The following RAP1A variants were observed in gnomAD, a reference collection of about 807,000 sequenced individuals.
RAP1A encodes the protein ras-related protein Rap-1A.
RAP1A carries 6 observed loss-of-function variants against 26.4 expected under a neutral mutation model. The observed-to-expected ratio is 0.23, with a 90% confidence interval of 0.12 to 0.45. The LOEUF (loss-of-function observed/expected upper bound fraction) is 0.45, where lower values mean the gene tolerates loss of function less well. Among genes scored for constraint, RAP1A ranks in the 20% least tolerant of loss-of-function variants. The probability of loss-of-function intolerance (pLI) is 0.99; values close to 1 mark genes in which losing one functional copy is unlikely to be tolerated. For missense variants in RAP1A, 121 were observed against 217.2 expected (o/e 0.56, Z 2.78); for synonymous variants, 73 against 79.4 (o/e 0.92, Z 0.43).
chr1:111,616,806 ATCAAC>A (rs1443980642), upstream of RAP1A, among the ~76,000 whole-genome samples: 2 of 152,162 alleles, frequency 1.3e-5, no homozygotes, highest in Non-Finnish European at 2.9e-5. Flanking sequence ...ATGTATGATC[ATCAAC>A]TCAAGAGGGC....
upstream of RAP1A, among the ~76,000 whole-genome samples, chr1:111,618,078 A>G (rs1342288446): frequency 6.6e-6 from 1 of 152,050 alleles, no homozygotes; most frequent in African/African-American, 2.4e-5. Context: ...CTAAAATGAG[A>G]AAAAGCATTT....
intron 1 of RAP1A, among the ~76,000 whole-genome samples, chr1:111,568,013 A>G (rs974831250): frequency 6.6e-6 from 1 of 152,250 alleles, no homozygotes; most frequent in African/African-American, 2.4e-5. Context: ...GCAGAATACC[A>G]GAAACAGTGG....
intron 1 of RAP1A, among the ~76,000 whole-genome samples, chr1:111,585,998 T>C (rs1214715893): frequency 6.6e-6 from 1 of 152,238 alleles, no homozygotes; most frequent in African/African-American, 2.4e-5. Flanking sequence ...CATTTGTATG[T>C]ATCTCACTAA....
At chr1:111,606,334 ACC>A in intron 1 of RAP1A, among the ~76,000 whole-genome samples, 1 of 148,846 alleles carries the variant, frequency 6.7e-6, no homozygotes, top group Non-Finnish European at 1.5e-5. Context: ...AGGATGAGGA[ACC>A]TTTAAAAAAA....
At chr1:111,706,626 A>G (rs1662202842) in intron 6 of RAP1A, 1 of 779,580 alleles carries the variant, frequency 1.3e-6, no homozygotes, top group South Asian at 5.8e-5. Flanking sequence ...TAGGAATGGG[A>G]GAGGGATTGA....
At chr1:111,643,851 T>C (rs1269962198) in intron 1 of RAP1A, among the ~76,000 whole-genome samples, 1 of 152,216 alleles carries the variant, frequency 6.6e-6, no homozygotes, top group African/African-American at 2.4e-5. Context: ...ATAAAGATAC[T>C]TATTTCAAGG....
chr1:111,708,875 C>T (rs74109861), intron 6 of RAP1A, among the ~76,000 whole-genome samples: 8,997 of 152,136 alleles, frequency 0.059, 615 homozygotes, highest in African/African-American at 0.16. Flanking sequence ...GCAACTTTTC[C>T]GTTGGTTTGG....
At chr1:111,580,865 C>A (rs12758965) in intron 1 of RAP1A, among the ~76,000 whole-genome samples, 25 of 145,210 alleles carry the variant, frequency 1.7e-4, no homozygotes, top group Non-Finnish European at 2.4e-4. Context: ...AAACAAAAAA[C>A]AAAAAAAAAA....
intron 1 of RAP1A, among the ~76,000 whole-genome samples, chr1:111,554,103 C>T (rs547508908): frequency 5.3e-5 from 8 of 152,318 alleles, no homozygotes; most frequent in Middle Eastern, 6.8e-3. Context: ...AGCTATGTGG[C>T]CTTGGGCTTA....
intron 1 of RAP1A, among the ~76,000 whole-genome samples, chr1:111,639,663 C>A (rs1557874409): frequency 6.6e-6 from 1 of 151,754 alleles, no homozygotes; most frequent in East Asian, 1.9e-4. Flanking sequence ...AAAAATCTCT[C>A]ATGAGAGTAC....
rs1483812953 is a variant in RAP1A, at chr1:111,579,788, C to CCATT, written c.-28+37280_-28+37283dup. On this transcript the variant is annotated intron_variant, in intron 1 of 7. Coordinates refer to the RAP1A transcript ENST00000356415. Reference sequence around the variant, plus strand: ...TTTTAAAATAAAGTGTTGAATATCTCCATTTATTTATTTATTTATTTATTT... The same window carrying CCATT: ...TTTTAAAATAAAGTGTTGAATATCTCCATTCATTTATTTATTTATTTATTTATTT... 5.1e-3 allele frequency among the ~76,000 whole-genome samples: 664 copies of CCATT among 131,284 alleles called. 3 individuals carry two copies. Among genetic ancestry groups the CCATT allele is most frequent in the African/African-American group, 0.018 (632 of 35,302 alleles). The allele number at this position is 131,284 out of a possible 152,430, so 86.1% of individuals were successfully genotyped here. A position where few individuals can be genotyped will look rare whatever the true frequency, so the allele number is the denominator to read the frequency against.
intron 1 of RAP1A, among the ~76,000 whole-genome samples, chr1:111,621,611 C>G (rs1320950568): frequency 1.3e-5 from 2 of 152,048 alleles, no homozygotes; most frequent in African/African-American, 4.8e-5. Context: ...TTGAGAGGTA[C>G]CCTATATTAG....
chr1:111,679,393 C>T (rs1050868085), intron 1 of RAP1A, among the ~76,000 whole-genome samples: 4 of 152,138 alleles, frequency 2.6e-5, no homozygotes, highest in Non-Finnish European at 4.4e-5. Flanking sequence ...TTTTGCAACC[C>T]GCAGACCAGG....
intron 1 of RAP1A, among the ~76,000 whole-genome samples, chr1:111,589,761 G>C (rs1371574177): frequency 1.3e-5 from 2 of 151,874 alleles, no homozygotes; most frequent in Non-Finnish European, 2.9e-5. Context: ...ACCCAGGCTG[G>C]AGTACAGTGG....
intron 1 of RAP1A, among the ~76,000 whole-genome samples, chr1:111,582,364 C>T (rs1033792808): frequency 3.3e-5 from 5 of 152,172 alleles, no homozygotes; most frequent in African/African-American, 7.2e-5. Flanking sequence ...TTTAGCCTTT[C>T]CTGATGCTGT....
chr1:111,637,810 A>G (rs1659770171), intron 1 of RAP1A, among the ~76,000 whole-genome samples: 1 of 152,040 alleles, frequency 6.6e-6, no homozygotes, highest in Non-Finnish European at 1.5e-5. Context: ...TGTTTAAATG[A>G]TTTGTCTATA....
chr1:111,636,607 C>T (rs1352735537), intron 1 of RAP1A, among the ~76,000 whole-genome samples: 2 of 151,734 alleles, frequency 1.3e-5, no homozygotes, highest in South Asian at 2.1e-4. Context: ...CCTCAGCCTT[C>T]TGAGTAGCTG....
intron 1 of RAP1A, among the ~76,000 whole-genome samples, chr1:111,578,950 T>G (rs571329133): frequency 2.6e-5 from 4 of 152,380 alleles, no homozygotes; most frequent in African/African-American, 9.6e-5. Flanking sequence ...GCTTATTAAC[T>G]GTTTTACCAG....
intron 6 of RAP1A, among the ~76,000 whole-genome samples, chr1:111,707,790 T>C (rs35533201): frequency 0.088 from 13,464 of 152,298 alleles, 813 homozygotes; most frequent in African/African-American, 0.18. Context: ...AGAATTAAAA[T>C]AGTCTGCTTT....
Sources: gnomAD v4.1 joint callset for allele counts (sites outside exome capture counted in the v4.1 genomes callset) on GRCh38, gnomAD v4.1.1 for gene constraint, MANE v1.5 for transcripts, NCBI Gene and HGNC (gene_info 2026-07-23, HGNC 2026-07-21) for gene names.